GAS2: variants seen among roughly 807,000 people sequenced by gnomAD.
The protein encoded by GAS2 is growth arrest specific 2, also known as growth arrest-specific protein 2.
Under a neutral mutation model 37.5 loss-of-function variants are expected in GAS2, and 20 were observed. The observed-to-expected ratio is 0.53, with a 90% CI of 0.37 to 0.77. The LOEUF is 0.77. GAS2 is among the 30% of genes least tolerant of loss of function. The probability of loss-of-function intolerance (pLI) is 0.00; values close to 1 mark genes in which losing one functional copy is unlikely to be tolerated. For synonymous variants in GAS2, 144 were observed against 132.2 expected, an observed-to-expected ratio of 1.09 and a Z score of -0.61; for missense variants, 336 against 373.4, an observed-to-expected ratio of 0.90 and a Z score of 0.82.
intron 1 of GAS2, among the ~76,000 whole-genome samples, chr11:22,632,879 A>T (rs1016755562): frequency 6.6e-6 from 1 of 151,760 alleles, no homozygotes; most frequent in Non-Finnish European, 1.5e-5. Flanking sequence ...GTAATTCCCT[A>T]AATGTGTCTT....
chr11:22,744,541 C>A (rs1165419477), intron 5 of GAS2, among the ~76,000 whole-genome samples: 1 of 151,928 alleles, frequency 6.6e-6, no homozygotes, highest in Non-Finnish European at 1.5e-5. Context: ...GAATTAAAAA[C>A]AAAAGCCATA....
chr11:22,782,741 A>T (rs1479301384), intron 7 of GAS2, among the ~76,000 whole-genome samples: 1 of 137,694 alleles, frequency 7.3e-6, no homozygotes, highest in East Asian at 2.2e-4. Flanking sequence ...AAAAAAAAAA[A>T]TAATAATAAT....
chr11:22,643,941 T>C (rs1848659724), intron 1 of GAS2, among the ~76,000 whole-genome samples: 1 of 152,188 alleles, frequency 6.6e-6, no homozygotes. Context: ...TAGCATATTT[T>C]TTTCATTATT....
intron 4 of GAS2, among the ~76,000 whole-genome samples, chr11:22,732,715 T>A (rs963805667): frequency 6.6e-6 from 1 of 151,390 alleles, no homozygotes; most frequent in Non-Finnish European, 1.5e-5. Flanking sequence ...AGGAGAGAAA[T>A]GCCTATAATA....
chr11:22,764,432 C>T (rs1405982433), intron 7 of GAS2, among the ~76,000 whole-genome samples: 1 of 151,652 alleles, frequency 6.6e-6, no homozygotes, highest in Admixed American at 6.6e-5. Context: ...TGGTGGCAGG[C>T]GACTGTAGTC....
At chr11:22,787,692 C>G (rs1376702635) in intron 7 of GAS2, among the ~76,000 whole-genome samples, 1 of 152,106 alleles carries the variant, frequency 6.6e-6, no homozygotes, top group African/African-American at 2.4e-5. Flanking sequence ...TTCTTTAGTT[C>G]TGATAGAATT....
At chr11:22,797,185 T>C (rs113330537) in intron 7 of GAS2, among the ~76,000 whole-genome samples, 19,011 of 152,006 alleles carry the variant, frequency 0.13, 1,300 homozygotes, top group Non-Finnish European at 0.15. Flanking sequence ...TGACCGGCAG[T>C]TGGCGTTAAG....
intron 3 of GAS2, among the ~76,000 whole-genome samples, chr11:22,712,744 C>T (rs1314103202): frequency 6.6e-6 from 1 of 152,074 alleles, no homozygotes; most frequent in African/African-American, 2.4e-5. Context: ...GATTATTAAG[C>T]TTCTCAAGGT....
intron 2 of GAS2, among the ~76,000 whole-genome samples, chr11:22,676,171 A>T (rs1175280099): frequency 6.6e-6 from 1 of 151,914 alleles, no homozygotes; most frequent in Non-Finnish European, 1.5e-5. Flanking sequence ...AGAAGAAGAC[A>T]CTCCCTAGAA....
At chr11:22,708,414 A>G (rs1851232684) in intron 3 of GAS2, among the ~76,000 whole-genome samples, 1 of 152,156 alleles carries the variant, frequency 6.6e-6, no homozygotes. Flanking sequence ...ACCATATGCC[A>G]GTCATTATTT....
At chr11:22,724,336 C>T (rs982919585) in intron 3 of GAS2, among the ~76,000 whole-genome samples, 2 of 151,846 alleles carry the variant, frequency 1.3e-5, no homozygotes, top group Non-Finnish European at 2.9e-5. Flanking sequence ...TATTATATGT[C>T]ATTCTACCAG....
Position 22,812,803 on chromosome 11 carries a change from G to T in GAS2, c.*787G>T, listed in dbSNP as rs1437826991. On this transcript the variant is annotated 3_prime_UTR_variant, in exon 8 of 8. Coordinates refer to ENST00000454584, the MANE Select transcript of GAS2 (RefSeq NM_001143830.3). ...TTCATTGATTTCATGTTATTTCAAA[G>T]CATTTTCTTATTAAAAATATATCTT... 2 of 152,420 alleles carry T rather than the reference G, an allele frequency of 1.3e-5. No homozygotes were observed. The highest frequency in any genetic ancestry group is 2.9e-5 in the Non-Finnish European group (2 of 67,982). 9.4% of individuals were successfully genotyped at this position (152,420 alleles called of 1,614,324 possible).
At chr11:22,697,837 A>T (rs1157808260) in intron 3 of GAS2, among the ~76,000 whole-genome samples, 1 of 152,066 alleles carries the variant, frequency 6.6e-6, no homozygotes, top group East Asian at 1.9e-4. Flanking sequence ...GCTTAAGGAG[A>T]TTTTGGGCTG....
intron 7 of GAS2, among the ~76,000 whole-genome samples, chr11:22,806,712 A>G (rs1856908078): frequency 6.6e-6 from 1 of 152,232 alleles, no homozygotes; most frequent in Admixed American, 6.5e-5. Context: ...ACTAATTAGC[A>G]AGGTCTAACT....
intron 3 of GAS2, among the ~76,000 whole-genome samples, chr11:22,700,391 C>T (rs1327926793): frequency 6.6e-6 from 1 of 152,008 alleles, no homozygotes. Flanking sequence ...TTGCTTAGCT[C>T]AAAAGCCTTT....
At chr11:22,709,435 T>A (rs1851289055) in intron 3 of GAS2, among the ~76,000 whole-genome samples, 1 of 152,192 alleles carries the variant, frequency 6.6e-6, no homozygotes, top group Non-Finnish European at 1.5e-5. Context: ...AGCTATTATC[T>A]AGGATTGGTA....
chr11:22,768,178 G>A (rs1234855241), intron 7 of GAS2, among the ~76,000 whole-genome samples: 1 of 152,174 alleles, frequency 6.6e-6, no homozygotes, highest in East Asian at 1.9e-4. Flanking sequence ...TAGGTTTTGG[G>A]AGGAACAGTG....
At chr11:22,645,851 T>C (rs1487264234) in intron 1 of GAS2, among the ~76,000 whole-genome samples, 2 of 149,946 alleles carry the variant, frequency 1.3e-5, no homozygotes, top group African/African-American at 2.4e-5. Context: ...TTTTCTTTTT[T>C]TTTTTTTTTG....
chr11:22,650,680 C>A (rs573897201), intron 1 of GAS2, among the ~76,000 whole-genome samples: 1 of 152,120 alleles, frequency 6.6e-6, no homozygotes, highest in Admixed American at 6.5e-5. Context: ...TAATGGCCTT[C>A]TTTGTCTCTT....
Sources: gnomAD v4.1 joint callset for allele counts (sites outside exome capture counted in the v4.1 genomes callset) on GRCh38, gnomAD v4.1.1 for gene constraint, MANE v1.5 for transcripts, NCBI Gene and HGNC (gene_info 2026-07-23, HGNC 2026-07-21) for gene names.